Variants in ZDHHC11 observed in about 807,000 individuals in gnomAD.
ZDHHC11 encodes palmitoyltransferase ZDHHC11.
ZDHHC11 carries 44 observed loss-of-function variants against 51.3 expected under a neutral mutation model. The ratio of observed to expected loss-of-function variants is 0.86; its 90% CI spans 0.67 to 1.10. The LOEUF is 1.10. Among genes scored for constraint, ZDHHC11 ranks in the 50% least tolerant of loss-of-function variants. ZDHHC11 has a pLI of 0.00. For synonymous variants in ZDHHC11, 163 were observed against 222.0 expected, an observed-to-expected ratio of 0.73 and a Z score of 2.36; for missense variants, 400 against 537.7, an observed-to-expected ratio of 0.74 and a Z score of 2.53.
intron 1 of ZDHHC11, 37 bp downstream of exon 1, chr5:850,344 C>T (rs770511677): frequency 3.2e-4 from 504 of 1,598,726 alleles, no homozygotes; most frequent in Non-Finnish European, 4.1e-4. Context: ...CTCCAGGAAC[C>T]CCTCCCGCTT....
intron 1 of ZDHHC11, among the ~76,000 whole-genome samples, chr5:857,534 A>G (rs1425800028): frequency 6.9e-6 from 1 of 145,536 alleles, no homozygotes; most frequent in Non-Finnish European, 1.5e-5. Context: ...CCAGGCCCCT[A>G]GAGTCTGTCC....
chr5:804,751 GT>G (rs1477423033), intron 11 of ZDHHC11, among the ~76,000 whole-genome samples: 1 of 151,324 alleles, frequency 6.6e-6, no homozygotes, highest in African/African-American at 2.4e-5. Flanking sequence ...AATTCTATAT[GT>G]GACAAATCTA....
chr5:805,240 C>G (rs1237271842), intron 11 of ZDHHC11, among the ~76,000 whole-genome samples: 6 of 151,200 alleles, frequency 4.0e-5, no homozygotes, highest in African/African-American at 1.5e-4. Context: ...GAGTTCAAGT[C>G]CAGCCTGGCA....
chr5:802,167 G>T (rs1738515286), intron 11 of ZDHHC11, among the ~76,000 whole-genome samples: 1 of 151,220 alleles, frequency 6.6e-6, no homozygotes, highest in Admixed American at 6.6e-5. Context: ...TGTAGGCTGA[G>T]CGGCCAGGCA....
intron 6 of ZDHHC11, among the ~76,000 whole-genome samples, chr5:834,585 T>G (rs1480985139): frequency 2.0e-5 from 3 of 152,292 alleles, no homozygotes; most frequent in Non-Finnish European, 2.9e-5. Context: ...TGGACATCAG[T>G]CTAAGACTTG....
chr5:801,303 T>C, intron 11 of ZDHHC11, 139 bp from the exon 12 acceptor site: 2 of 1,068,824 alleles, frequency 1.9e-6, no homozygotes, highest in Non-Finnish European at 2.7e-6. Context: ...TTCACCTCTC[T>C]GAGTTTCAGA....
chr5:848,921 A>AGCCCT (rs1304805749), intron 1 of ZDHHC11, among the ~76,000 whole-genome samples: 5 of 149,438 alleles, frequency 3.3e-5, no homozygotes. Flanking sequence ...CTGCACAGCC[A>AGCCCT]GCCCTGCACA....
At chr5:853,366 C>A (rs182010111), upstream of ZDHHC11, among the ~76,000 whole-genome samples, 1 of 146,798 alleles carries the variant, frequency 6.8e-6, no homozygotes, top group Non-Finnish European at 1.5e-5. Flanking sequence ...ACAGACCCCA[C>A]GGAGGACAGC....
chr5:813,179 T>C (rs529150375), intron 11 of ZDHHC11, among the ~76,000 whole-genome samples: 1 of 141,980 alleles, frequency 7.0e-6, no homozygotes, highest in East Asian at 2.2e-4. Flanking sequence ...TCTACAAAAG[T>C]TGGCTCAGTG....
At chr5:819,069 C>T (rs112874466) in intron 10 of ZDHHC11, among the ~76,000 whole-genome samples, 1,620 of 151,514 alleles carry the variant, frequency 0.011, 38 homozygotes, top group African/African-American at 0.037. Context: ...CACATACGTG[C>T]ACATGTGACC....
At chr5:812,063 A>T (rs1286451844) in intron 11 of ZDHHC11, among the ~76,000 whole-genome samples, 21 of 138,180 alleles carry the variant, frequency 1.5e-4, no homozygotes, top group African/African-American at 5.7e-4. Context: ...CTTCGAGATA[A>T]AGTAACCTTA....
intron 1 of ZDHHC11, among the ~76,000 whole-genome samples, chr5:856,787 C>A (rs1035230657): frequency 2.0e-5 from 3 of 151,764 alleles, no homozygotes; most frequent in Non-Finnish European, 4.4e-5. Context: ...GCACACCACA[C>A]AAACCACACA....
At chr5:851,999 T>C (rs1036680115), upstream of ZDHHC11, among the ~76,000 whole-genome samples, 1 of 149,070 alleles carries the variant, frequency 6.7e-6, no homozygotes, top group Non-Finnish European at 1.5e-5. Context: ...GAGGCTGCAG[T>C]GAGCCAAGAT....
intron 3 of ZDHHC11, among the ~76,000 whole-genome samples, chr5:845,263 C>T (rs1196264182): frequency 6.6e-6 from 1 of 152,310 alleles, no homozygotes; most frequent in East Asian, 1.9e-4. Context: ...CCCTACCCTG[C>T]CCCCAGTCCT....
rs1579715268 is a variant in ZDHHC11 at position 837,563 on chromosome 5, C to T, written c.785-83G>A. On this transcript the variant is annotated intron_variant, in intron 5 of 12. Transcript: ENST00000283441. ...CCCACAGGACAGCTCAGCAGAGTGG[C>T]CAGTGCCACTGATCCGGCCCCTGCA... 11 of 1,432,646 alleles carry T rather than the reference C, an allele frequency of 7.7e-6. No homozygotes were observed. The Admixed American group carries it at 1.5e-4, about 20-fold the overall frequency. The allele number at this position is 1,432,646 out of a possible 1,614,324, so 88.7% of individuals were successfully genotyped here.
chr5:824,351 C>T (rs1741993600), intron 8 of ZDHHC11, among the ~76,000 whole-genome samples: 1 of 151,332 alleles, frequency 6.6e-6, no homozygotes, highest in Admixed American at 6.6e-5. Context: ...CTTTCAGCTA[C>T]TCAGGAGGCT....
rs933405273 is a variant in ZDHHC11, at chr5:814,714, C to A, written c.1181+47G>T. The A allele has an allele frequency of 1.5e-5, 22 of 1,501,992 alleles. 1 individual carries two copies. The highest frequency in any genetic ancestry group is 2.8e-5 in the African/African-American group (2 of 70,974). The allele number at this position is 1,501,992 out of a possible 1,614,324, so 93.0% of individuals were successfully genotyped here. On this transcript the variant is annotated intron_variant, in intron 11 of 12. Coordinates refer to ENST00000283441, the MANE Select transcript of ZDHHC11 (RefSeq NM_024786.3). ...TTTTCCTATGTAATTTGAGTTCAGGCAAGTGTAGAGACAGACAAAACGTTC... is the reference window on the plus strand; with the variant it reads ...TTTTCCTATGTAATTTGAGTTCAGGAAAGTGTAGAGACAGACAAAACGTTC...
chr5:848,425 C>G, intron 2 of ZDHHC11, 57 bp downstream of exon 2: 2 of 889,248 alleles, frequency 2.2e-6, no homozygotes, highest in Non-Finnish European at 3.3e-6. Flanking sequence ...GACCTGAGCA[C>G]CAGGACCCTG....
At chr5:858,649 T>C (rs191960397) in intron 1 of ZDHHC11, among the ~76,000 whole-genome samples, 1 of 152,280 alleles carries the variant, frequency 6.6e-6, no homozygotes, top group East Asian at 1.9e-4. Context: ...GCCACGCTTT[T>C]TCCATGGGGA....
Sources: allele counts gnomAD v4.1 joint callset (sites outside exome capture counted in the v4.1 genomes callset), GRCh38; gene constraint gnomAD v4.1.1; transcripts MANE v1.5; gene names NCBI Gene and HGNC (gene_info 2026-07-23, HGNC 2026-07-21).